Variants in TARBP1 observed in about 807,000 individuals in gnomAD.
The protein encoded by TARBP1 is tRNA guanosine 2 -O-methyltransferase TARBP1, also known as tRNA (guanosine(18)-2'-O)-methyltransferase TARBP1.
TARBP1 carries 144 observed loss-of-function variants against 178.6 expected under a neutral mutation model. The observed-to-expected ratio is 0.81, with a 90% CI of 0.70 to 0.93. TARBP1 has a LOEUF of 0.93. TARBP1 is among the 40% of genes least tolerant of loss of function. The pLI is 0.00. For synonymous variants in TARBP1, 787 were observed against 781.0 expected, an observed-to-expected ratio of 1.01 and a Z score of -0.13; for missense variants, 2,067 against 2,011.7, an observed-to-expected ratio of 1.03 and a Z score of -0.53.
At chr1:234,478,052 T>C (rs776465208) in intron 1 of TARBP1, 121 bp downstream of exon 1, 5 of 1,000,056 alleles carry the variant, frequency 5.0e-6, no homozygotes, top group Non-Finnish European at 7.2e-6. Context: ...CAACGCGGAA[T>C]AACCAAATTC....
chr1:234,448,926 A>G (rs1666455375), intron 10 of TARBP1, among the ~76,000 whole-genome samples: 1 of 152,100 alleles, frequency 6.6e-6, no homozygotes, highest in African/African-American at 2.4e-5. Context: ...TGAGAAGTAC[A>G]TGGTGCTAGT....
chr1:234,407,137 A>G (rs1352845936), intron 23 of TARBP1: 1 of 152,190 alleles, frequency 6.6e-6, no homozygotes, highest in Non-Finnish European at 1.5e-5. Flanking sequence ...ATGTTATGAT[A>G]TACACTGGTT....
At chr1:234,427,047 T>G (rs1361862437) in intron 19 of TARBP1, among the ~76,000 whole-genome samples, 1 of 152,196 alleles carries the variant, frequency 6.6e-6, no homozygotes, top group African/African-American at 2.4e-5. Context: ...GACAGGGGCT[T>G]TAAGCTCTCC....
At chr1:234,477,873 G>A (rs1669711411) in intron 1 of TARBP1, among the ~76,000 whole-genome samples, 1 of 152,182 alleles carries the variant, frequency 6.6e-6, no homozygotes, top group African/African-American at 2.4e-5. Flanking sequence ...ATGATATAGT[G>A]CAGATTTGGG....
At chr1:234,430,875 T>C (rs192006084) in intron 14 of TARBP1, among the ~76,000 whole-genome samples, 80 of 152,346 alleles carry the variant, frequency 5.3e-4, no homozygotes, top group African/African-American at 1.7e-3. Flanking sequence ...AGTATGAGTG[T>C]AGACATACTA....
rs1669852058 is a variant in TARBP1, at chr1:234,478,871, C to T, written c.233G>A (p.Gly78Glu). ...GGGGTCCGGGCCGCCCGCGGGGCGT[C>T]CGCGCAGGCTCCGCAGCAGTGGCAC... ...YLVPLLRSLR[G>E]RPAGGPDPSL... The change falls in exon 1 of 30, where the codon GGA becomes GAA. Residue 78 changes from glycine to glutamate, a missense_variant. Gly to Glu is a moderately conservative substitution (Grantham distance 98, BLOSUM62 -2). Coordinates refer to ENST00000040877, the MANE Select transcript of TARBP1 (RefSeq NM_005646.4). The T allele has an allele frequency of 2.3e-6, 3 of 1,289,188 alleles. No individual in the cohort carries two copies. Among genetic ancestry groups the T allele is most frequent in the South Asian group, 2.4e-5 (1 of 41,772 alleles). The allele number at this position is 1,289,188 out of a possible 1,614,324, so 79.9% of individuals were successfully genotyped here.
chr1:234,444,508 C>T (rs1216917401), intron 12 of TARBP1, among the ~76,000 whole-genome samples: 1 of 152,148 alleles, frequency 6.6e-6, no homozygotes, highest in Non-Finnish European at 1.5e-5. Context: ...GAGGAAAACA[C>T]AGCCGTCTGG....
intron 9 of TARBP1, among the ~76,000 whole-genome samples, chr1:234,456,716 T>C (rs905561724): frequency 1.3e-5 from 2 of 152,132 alleles, no homozygotes; most frequent in Non-Finnish European, 1.5e-5. Flanking sequence ...TTATCTATAA[T>C]GAGAAGGCAA....
intron 23 of TARBP1, among the ~76,000 whole-genome samples, chr1:234,409,916 G>A (rs1661628141): frequency 6.6e-6 from 1 of 152,110 alleles, no homozygotes; most frequent in African/African-American, 2.4e-5. Context: ...AATTAGTTAT[G>A]ATTTCTGCCT....
intron 13 of TARBP1, among the ~76,000 whole-genome samples, chr1:234,436,182 A>G (rs12046432): frequency 0.13 from 20,391 of 152,234 alleles, 1,502 homozygotes; most frequent in Middle Eastern, 0.26. Flanking sequence ...AACATGTTAT[A>G]TAATGGGTCA....
intron 20 of TARBP1, among the ~76,000 whole-genome samples, chr1:234,425,177 A>T (rs532794005): frequency 6.6e-6 from 1 of 152,224 alleles, no homozygotes; most frequent in East Asian, 1.9e-4. Flanking sequence ...GTGAGCCGAG[A>T]TCCCAGATCA....
At chr1:234,464,246 T>C (rs931748625) in intron 5 of TARBP1, among the ~76,000 whole-genome samples, 1 of 152,168 alleles carries the variant, frequency 6.6e-6, no homozygotes, top group Non-Finnish European at 1.5e-5. Context: ...GAGGCTGAAA[T>C]GATAATTTTA....
At position 234,463,935 on chromosome 1, in the gene TARBP1, C is replaced by A. The variant is rs758094632; in HGVS notation, c.1302-1G>T. On this transcript the variant is annotated splice_acceptor_variant, in intron 5 of 29. Coordinates refer to ENST00000040877, the MANE Select transcript of TARBP1 (RefSeq NM_005646.4). LOFTEE classifies it high-confidence loss of function. ...GCTTCCTATTGGCTGGCCTGGGGAC[C>A]TACAAACAGAGAGTGGGGAAAACAA... 2 of 1,561,872 alleles carry A rather than the reference C, an allele frequency of 1.3e-6. No individual in the cohort carries two copies. The highest frequency in any genetic ancestry group is 2.0e-5 in the Admixed American group (1 of 51,140).
chr1:234,472,423 T>G (rs923354781), intron 2 of TARBP1, among the ~76,000 whole-genome samples: 22 of 151,214 alleles, frequency 1.5e-4, no homozygotes, highest in Non-Finnish European at 7.4e-5. Flanking sequence ...GCATGGCAAT[T>G]TATACTTTAT....
chr1:234,432,113 C>CAA (rs1279074814), intron 14 of TARBP1, among the ~76,000 whole-genome samples: 1 of 119,568 alleles, frequency 8.4e-6, no homozygotes, highest in Non-Finnish European at 1.7e-5. Context: ...CCAGACTTGG[C>CAA]AAAAGAGCGA....
At chr1:234,407,292 T>C (rs935791662) in intron 23 of TARBP1, 2 of 151,696 alleles carry the variant, frequency 1.3e-5, no homozygotes, top group Non-Finnish European at 2.9e-5. Flanking sequence ...GCAGAGCTTC[T>C]ATAAAAATTA....
intron 26 of TARBP1, among the ~76,000 whole-genome samples, chr1:234,396,081 GA>G (rs1223501140): frequency 1.3e-5 from 2 of 151,704 alleles, no homozygotes; most frequent in African/African-American, 2.4e-5. Flanking sequence ...CTTTAAAAAA[GA>G]AAAAAAATTA....
chr1:234,425,559 TTG>T, intron 20 of TARBP1, 112 bp downstream of exon 20: 1 of 1,147,104 alleles, frequency 8.7e-7, no homozygotes, highest in Non-Finnish European at 1.3e-6. Flanking sequence ...AACATAAACT[TTG>T]TGTTTTCTCC....
chr1:234,435,656 G>T (rs1664941861), intron 13 of TARBP1, among the ~76,000 whole-genome samples: 1 of 152,186 alleles, frequency 6.6e-6, no homozygotes, highest in South Asian at 2.1e-4. Flanking sequence ...GTAACAAAGG[G>T]AAGACAGGGA....
Sources: allele counts gnomAD v4.1 joint callset (sites outside exome capture counted in the v4.1 genomes callset), GRCh38; gene constraint gnomAD v4.1.1; transcripts MANE v1.5; gene names NCBI Gene and HGNC (gene_info 2026-07-23, HGNC 2026-07-21).